Variants in ZNF14 observed in about 807,000 individuals in gnomAD.
ZNF14 encodes the protein gonadotropin inducible transcription repressor-4.
A neutral mutation model predicts 11.3 loss-of-function variants in ZNF14; 9 were observed. The ratio of observed to expected loss-of-function variants is 0.80; its 90% confidence interval spans 0.48 to 1.39. The LOEUF (loss-of-function observed/expected upper bound fraction) is 1.39. Ranked by LOEUF, ZNF14 falls within the 40% of genes most tolerant of loss-of-function variation. ZNF14 has a pLI of 0.00. For synonymous variants in ZNF14, 239 were observed against 245.7 expected, an observed-to-expected ratio of 0.97 and a Z score of 0.25; for missense variants, 711 against 763.9, an observed-to-expected ratio of 0.93 and a Z score of 0.82.
chr19:19,714,255 A>C (rs931200101), intron 2 of ZNF14, 104 bp from the exon 3 acceptor site: 3 of 1,591,074 alleles, frequency 1.9e-6, no homozygotes, highest in African/African-American at 1.4e-5. Context: ...TCAATCACTG[A>C]AAGATTCCCT....
rs530258722 is a variant in ZNF14 at position 19,716,073 on chromosome 19, C to T, written c.4-1586G>A. On this transcript the variant is annotated intron_variant, in intron 1 of 3. Transcript: ENST00000344099. ...GTATACCAGGAGAGGGTTTATTACG[C>T]GTTTACTTGAGACTTTGGGAAGACT... 1.6e-4 allele frequency among the ~76,000 whole-genome samples: 24 copies of T among 152,034 alleles called. No homozygotes were observed. The East Asian group carries it at 3.5e-3, about 22-fold the overall frequency.
In ZNF14 at chr19:19,714,170, AAGAC is replaced by A; in HGVS notation, c.131-23_131-20del. The A allele has an allele frequency of 2.5e-6, 4 of 1,609,608 alleles. No homozygotes were observed. The highest frequency in any genetic ancestry group is 3.4e-6 in the Non-Finnish European group (4 of 1,178,260). On this transcript the variant is annotated intron_variant, in intron 2 of 3. Coordinates refer to ENST00000344099, the MANE Select transcript of ZNF14 (RefSeq NM_021030.3). ...TTTTTTCCTAAAATGCATACCCAGA[AAGAC>A]CATTAAAAATTATTAGAAATTATAG...
chr19:19,713,434 C>A (rs921341251), intron 3 of ZNF14, among the ~76,000 whole-genome samples: 2 of 151,628 alleles, frequency 1.3e-5, no homozygotes, highest in African/African-American at 4.9e-5. Context: ...CTAGAGAGTG[C>A]CACCATGCCT....
rs1355116193 is a variant in ZNF14, at chr19:19,715,807, TG to T, written c.4-1321del. ...TTTTTCTTACATACAACTGAGTTTT[TG>T]CTTATACATTTTTAAAATTTCTTTT... On this transcript the variant is annotated intron_variant, in intron 1 of 3. Coordinates refer to ENST00000344099, the MANE Select transcript of ZNF14 (RefSeq NM_021030.3). Among the ~76,000 whole-genome samples the T allele has an allele frequency of 5.9e-5, 9 of 152,358 alleles. 1 individual carries two copies. The highest frequency in any genetic ancestry group is 5.2e-4 in the Admixed American group (8 of 15,308).
chr19:19,722,700 C>T (rs2062396258), intron 1 of ZNF14, among the ~76,000 whole-genome samples: 2 of 152,138 alleles, frequency 1.3e-5, no homozygotes, highest in African/African-American at 4.8e-5. Flanking sequence ...TCTTCCTATC[C>T]ATGAGCATGG....
rs141637898 is a variant in ZNF14, at chr19:19,712,229, C to T, written c.1052G>A (p.Arg351Gln). 134 of 1,613,732 alleles carry T rather than the reference C, an allele frequency of 8.3e-5. No individual in the cohort carries two copies. Among genetic ancestry groups the T allele is most frequent in the Non-Finnish European group, 7.8e-5 (92 of 1,179,956 alleles). ...TCCAATATGAGTTCTTTCATGCACT[C>T]GACAGGAATTAGAAGAGTTGAAGGC... Reference protein sequence around the residue: ...GKAFNSSNSCRVHERTHIGEK... With the variant: ...GKAFNSSNSCQVHERTHIGEK... The change falls in exon 4 of 4, where the codon CGA (arginine) becomes CAA (glutamine). Residue 351 changes from arginine to glutamine, a missense_variant. Arg to Gln is a conservative substitution (Grantham distance 43, BLOSUM62 1). Coordinates refer to ENST00000344099, the MANE Select transcript of ZNF14 (RefSeq NM_021030.3).
In ZNF14 at chr19:19,724,719, T is replaced by A. The variant is rs1219376769; in HGVS notation, c.3+8237A>T. Among the ~76,000 whole-genome samples, 20 of 132,998 alleles carry A rather than the reference T, an allele frequency of 1.5e-4. 4 individuals carry two copies. Among genetic ancestry groups the A allele is most frequent in the Non-Finnish European group, 2.7e-4 (16 of 59,884 alleles). The allele number at this position is 132,998 out of a possible 152,430, so 87.3% of individuals were successfully genotyped here. On this transcript the variant is annotated intron_variant, in intron 1 of 3. Coordinates refer to ENST00000344099, the MANE Select transcript of ZNF14 (RefSeq NM_021030.3). ...CATTATTATTGTGTGGGAGTCTAAG[T>A]CTCTTTGTAGGTCTCTAAGGGCTTG...
At chr19:19,719,486 C>T (rs2062386511) in intron 1 of ZNF14, among the ~76,000 whole-genome samples, 1 of 152,134 alleles carries the variant, frequency 6.6e-6, no homozygotes, top group Admixed American at 6.5e-5. Flanking sequence ...GAGGTACTTG[C>T]ACAACCAGTG....
rs1555761279 is a variant in ZNF14 at position 19,713,763 on chromosome 19, T to TTTTTC, written c.191+327_191+328insGAAAA. Among the ~76,000 whole-genome samples, 7 of 148,812 alleles carry TTTTTC rather than the reference T, an allele frequency of 4.7e-5. 1 individual carries two copies. The highest frequency in any genetic ancestry group is 4.5e-5 in the Non-Finnish European group (3 of 66,982). On this transcript the variant is annotated intron_variant, in intron 3 of 3. Transcript: ENST00000344099. Reference sequence around the variant, plus strand: ...TGTGCCAGGCCTTTTTTTTTTTTTTTCCCCAGATGAGGTCTTGCTATATTA... The same window carrying TTTTTC: ...TGTGCCAGGCCTTTTTTTTTTTTTTTTTTTCCCCCAGATGAGGTCTTGCTATATTA...
At chr19:19,716,597 A>T (rs1001897023) in intron 1 of ZNF14, among the ~76,000 whole-genome samples, 4 of 152,062 alleles carry the variant, frequency 2.6e-5, no homozygotes, top group African/African-American at 9.7e-5. Context: ...CAATAATGAG[A>T]TTTTAAAGCT....
chr19:19,722,026 C>T (rs574068703), intron 1 of ZNF14, among the ~76,000 whole-genome samples: 3 of 151,842 alleles, frequency 2.0e-5, no homozygotes, highest in African/African-American at 4.8e-5. Flanking sequence ...TTGGTCTTAC[C>T]GCCTTTCTCA....
At chr19:19,721,285 T>C (rs1194936886) in intron 1 of ZNF14, among the ~76,000 whole-genome samples, 2 of 152,104 alleles carry the variant, frequency 1.3e-5, no homozygotes, top group Non-Finnish European at 2.9e-5. Context: ...TCAACCAACC[T>C]TAATAGTCAC....
At position 19,733,023 on chromosome 19, in the gene ZNF14, G is replaced by A; in HGVS notation, c.-65C>T. 6.3e-7 allele frequency: 1 copy of A among 1,597,422 alleles called. No homozygotes were observed. The highest frequency in any genetic ancestry group is 8.5e-7 in the Non-Finnish European group (1 of 1,170,444). ...TCTGTCAGTACCTGCAGGTCACGGCGCGACAAAGGATGCGCTAGAGCCACC... is the reference window on the plus strand; with the variant it reads ...TCTGTCAGTACCTGCAGGTCACGGCACGACAAAGGATGCGCTAGAGCCACC... On this transcript the variant is annotated 5_prime_UTR_variant, in exon 1 of 4. Coordinates refer to ENST00000344099, the MANE Select transcript of ZNF14 (RefSeq NM_021030.3).
rs751800521 is a variant in ZNF14, at chr19:19,712,243, A to G, written c.1038T>C (p.Ser346=). 6.8e-6 allele frequency: 11 copies of G among 1,613,914 alleles called. No homozygotes were observed. The highest frequency in any genetic ancestry group is 1.6e-4 in the Middle Eastern group (1 of 6,084). Residue 346 remains serine, a synonymous_variant, in exon 4 of 4, where the codon TCT becomes TCC. Coordinates refer to ENST00000344099, the MANE Select transcript of ZNF14 (RefSeq NM_021030.3). ...KCKECGKAFN[S]SNSCRVHERT... is the part of the protein sequence containing the mutation. ...TTTCATGCACTCGACAGGAATTAGAAGAGTTGAAGGCTTTCCCACATTCTT... is the reference window on the plus strand; with the variant it reads ...TTTCATGCACTCGACAGGAATTAGAGGAGTTGAAGGCTTTCCCACATTCTT...
intron 1 of ZNF14, among the ~76,000 whole-genome samples, chr19:19,729,292 C>T (rs2062416297): frequency 6.7e-6 from 1 of 148,838 alleles, no homozygotes; most frequent in South Asian, 2.1e-4. Flanking sequence ...ATAATCTTAA[C>T]TGATCCTCAT....
chr19:19,711,168 A>T lies in ZNF14; in HGVS notation c.*184T>A. 1 of 559,338 alleles carries T rather than the reference A, an allele frequency of 1.8e-6. No homozygotes were observed. Among genetic ancestry groups the T allele is most frequent in the Non-Finnish European group, 2.9e-6 (1 of 344,194 alleles). The allele number at this position is 559,338 out of a possible 1,614,324, so 34.6% of individuals were successfully genotyped here. On this transcript the variant is annotated 3_prime_UTR_variant, in exon 4 of 4. Transcript: ENST00000344099. The stretch of plus-strand genomic sequence containing the variant: ...ATGAATTAGGTCAACTGAAGGCTTA[A>T]TCACAATGTTTACATTCATACTGTT...
chr19:19,714,672 C>G (rs1325220787), intron 1 of ZNF14, among the ~76,000 whole-genome samples, 185 bp from the exon 2 acceptor site: 1 of 151,516 alleles, frequency 6.6e-6, no homozygotes, highest in Non-Finnish European at 1.5e-5. Context: ...CATGAACACA[C>G]AGAAATTACT....
At position 19,711,851 on chromosome 19, in the gene ZNF14, C is replaced by T. The variant is rs566756447; in HGVS notation, c.1430G>A (p.Cys477Tyr). The change falls in exon 4 of 4, where the codon TGT becomes TAT. Residue 477 changes from cysteine (C) to tyrosine (Y), a missense_variant. Physicochemically the swap from Cys to Tyr is radical, Grantham distance 194. Transcript: ENST00000344099. ...RSHTGEKPYE[C>Y]KQCGKVFIRS... ...AATGAAAACTTTTCCACACTGTTTA[C>T]ATTCATAGGGTTTCTCTCCAGTGTG... is the stretch of plus-strand genomic sequence containing the variant. The T allele has an allele frequency of 6.2e-7, 1 of 1,614,044 alleles. No individual in the cohort carries two copies. Among genetic ancestry groups the T allele is most frequent in the African/African-American group, 1.3e-5 (1 of 75,026 alleles).
Position 19,728,331 on chromosome 19 carries a change from C to T in ZNF14, c.3+4625G>A, listed in dbSNP as rs1043477728. On this transcript the variant is annotated intron_variant, in intron 1 of 3. Transcript: ENST00000344099. ...AGGAGTTCAAGACCAGCCTGGCCAA[C>T]ATGGTGAAATCCCGACTCTAATAAA... is the stretch of plus-strand genomic sequence containing the variant. Among the ~76,000 whole-genome samples the T allele has an allele frequency of 3.9e-5, 5 of 128,028 alleles. 2 individuals are homozygous for T. The highest frequency in any genetic ancestry group is 1.5e-4 in the African/African-American group (5 of 34,226). 84.0% of individuals were successfully genotyped at this position (128,028 alleles called of 152,430 possible). A position where few individuals can be genotyped will look rare whatever the true frequency, so the allele number is the denominator to read the frequency against.
Sources: gnomAD v4.1 joint callset for allele counts (sites outside exome capture counted in the v4.1 genomes callset) on GRCh38, gnomAD v4.1.1 for gene constraint, MANE v1.5 for transcripts, NCBI Gene and HGNC (gene_info 2026-07-23, HGNC 2026-07-21) for gene names.